The following CLVS2 variants were observed in gnomAD, a reference collection of about 807,000 sequenced individuals.
CLVS2 encodes the protein clavesin 2.
CLVS2 carries 19 observed loss-of-function variants against 29.0 expected under a neutral mutation model. The ratio of observed to expected loss-of-function variants is 0.66; its 90% CI spans 0.46 to 0.96. The LOEUF is 0.96. Among genes scored for constraint, CLVS2 ranks in the 40% least tolerant of loss-of-function variants. CLVS2 has a pLI of 0.00. For synonymous variants in CLVS2, 161 were observed against 151.3 expected (o/e 1.06, Z -0.47); for missense variants, 294 against 404.1 (o/e 0.73, Z 2.34).
chr6:123,068,175 C>G lies in CLVS2; in HGVS notation c.*4414C>G, dbSNP rs1482499726. ...TAACAACTTTGTGGATTGAAACACT[C>G]AAATTAGCCTTTTTTTCAAGGAAGC... On this transcript the variant is annotated 3_prime_UTR_variant, in exon 6 of 6. Transcript: ENST00000275162. The G allele has an allele frequency of 2.0e-5, 3 of 151,148 alleles. No individual in the cohort carries two copies. The East Asian group carries it at 5.8e-4, about 29-fold the overall frequency. The allele number at this position is 151,148 out of a possible 1,614,324, so 9.4% of individuals were successfully genotyped here. A position where few individuals can be genotyped will look rare whatever the true frequency, so the allele number is the denominator to read the frequency against.
At chr6:123,017,279 C>T (rs1399434129) in intron 3 of CLVS2, among the ~76,000 whole-genome samples, 2 of 152,052 alleles carry the variant, frequency 1.3e-5, no homozygotes, top group Non-Finnish European at 2.9e-5. Flanking sequence ...TAGACAATAG[C>T]AGAAACCTCT....
In CLVS2 at chr6:123,068,646, A is replaced by G. The variant is rs1250221112; in HGVS notation, c.*4885A>G. ...TTTTCAAAGCTATCCAGGAAAAATA[A>G]AAGATGTCTAACAGGAAATCATACA... On this transcript the variant is annotated 3_prime_UTR_variant, in exon 6 of 6. Coordinates refer to ENST00000275162, the MANE Select transcript of CLVS2 (RefSeq NM_001010852.4). 1 of 151,798 alleles carries G rather than the reference A, an allele frequency of 6.6e-6. No homozygotes were observed. The highest frequency in any genetic ancestry group is 1.5e-5 in the Non-Finnish European group (1 of 67,748). 9.4% of individuals were successfully genotyped at this position (151,798 alleles called of 1,614,324 possible).
rs1772902262 is a variant in CLVS2, at chr6:123,069,051, G to T, written c.*5290G>T. On this transcript the variant is annotated 3_prime_UTR_variant, in exon 6 of 6. Coordinates refer to ENST00000275162, the MANE Select transcript of CLVS2 (RefSeq NM_001010852.4). The stretch of plus-strand genomic sequence containing the variant: ...ATTTAAGTTAAGATTCCTCAAGTTT[G>T]TGATATTTGTATGTGTGGGGATCAA... 1 of 151,630 alleles carries T rather than the reference G, an allele frequency of 6.6e-6. No homozygotes were observed. Among genetic ancestry groups the T allele is most frequent in the African/African-American group, 2.4e-5 (1 of 41,358 alleles). The allele number at this position is 151,630 out of a possible 1,614,324, so 9.4% of individuals were successfully genotyped here.
At position 123,014,729 on chromosome 6, in the gene CLVS2, A is replaced by G. The variant is rs376065895; in HGVS notation, c.564+3570A>G. 5.3e-5 allele frequency among the ~76,000 whole-genome samples: 8 copies of G among 152,234 alleles called. 1 individual carries two copies. The highest frequency in any genetic ancestry group is 1.9e-4 in the African/African-American group (8 of 41,562). On this transcript the variant is annotated intron_variant, in intron 3 of 5. Transcript: ENST00000275162. ...GCCTTTCTCACAAGTCAGTGACTAC[A>G]TAAACTGTGATGAATTAAAGTTGAA...
At chr6:123,043,783 CAA>C (rs1224188885) in intron 3 of CLVS2, among the ~76,000 whole-genome samples, 2 of 152,048 alleles carry the variant, frequency 1.3e-5, no homozygotes, top group Non-Finnish European at 2.9e-5. Context: ...ATAAATCAGA[CAA>C]TATTACTTGT....
At chr6:123,051,677 A>G (rs1772614161) in intron 4 of CLVS2, among the ~76,000 whole-genome samples, 1 of 152,152 alleles carries the variant, frequency 6.6e-6, no homozygotes, top group Non-Finnish European at 1.5e-5. Context: ...AAAGACTTTC[A>G]TCTGTTCTTT....
rs1772908322 is a variant in CLVS2, at chr6:123,069,406, T to C, written c.*5645T>C. On this transcript the variant is annotated 3_prime_UTR_variant, in exon 6 of 6. Transcript: ENST00000275162. ...AGAAAGAATGCTTACTCAATAAATATGTATTTGTGTCTTCTGTGAGTTTCC... is the reference window on the plus strand; with the variant it reads ...AGAAAGAATGCTTACTCAATAAATACGTATTTGTGTCTTCTGTGAGTTTCC... The C allele has an allele frequency of 6.6e-6, 1 of 151,870 alleles. No homozygotes were observed. Among genetic ancestry groups the C allele is most frequent in the South Asian group, 2.1e-4 (1 of 4,828 alleles). 9.4% of individuals were successfully genotyped at this position (151,870 alleles called of 1,614,324 possible).
chr6:123,030,136 C>G (rs1775062103), intron 3 of CLVS2, among the ~76,000 whole-genome samples: 1 of 152,176 alleles, frequency 6.6e-6, no homozygotes, highest in South Asian at 2.1e-4. Flanking sequence ...ATTCCATTGT[C>G]TCCTTTCATA....
intron 3 of CLVS2, among the ~76,000 whole-genome samples, chr6:123,030,264 T>A (rs1315086898): frequency 6.6e-6 from 1 of 152,204 alleles, no homozygotes. Flanking sequence ...TCATCTCTGT[T>A]CCTGTGGAGC....
rs1028691728 is a variant in CLVS2 at position 123,013,206 on chromosome 6, A to G, written c.564+2047A>G. Among the ~76,000 whole-genome samples the G allele has an allele frequency of 4.2e-4, 64 of 152,080 alleles. 2 individuals are homozygous for G. Among genetic ancestry groups the G allele is most frequent in the Non-Finnish European group, 7.4e-5 (5 of 68,000 alleles). ...TGCTATGTGACAAATATTGTGTACC[A>G]CTATATGTTTCATTCAGAATATGAA... On this transcript the variant is annotated intron_variant, in intron 3 of 5. Coordinates refer to ENST00000275162, the MANE Select transcript of CLVS2 (RefSeq NM_001010852.4).
chr6:123,007,772 C>A (rs571378688), intron 2 of CLVS2, among the ~76,000 whole-genome samples: 1 of 152,122 alleles, frequency 6.6e-6, no homozygotes, highest in Non-Finnish European at 1.5e-5. Context: ...TTTTGAGAAG[C>A]ACAATCAGGA....
chr6:123,031,281 A>G (rs1775080416), intron 3 of CLVS2, among the ~76,000 whole-genome samples: 1 of 152,022 alleles, frequency 6.6e-6, no homozygotes, highest in African/African-American at 2.4e-5. Flanking sequence ...TAGAATCTCA[A>G]TCCTATCTAA....
Position 122,997,387 on chromosome 6 carries a change from A to G in CLVS2, c.-391A>G. 1 of 204,770 alleles carries G rather than the reference A, an allele frequency of 4.9e-6. No individual in the cohort carries two copies. Among genetic ancestry groups the G allele is most frequent in the Non-Finnish European group, 1.1e-5 (1 of 90,950 alleles). 12.7% of individuals were successfully genotyped at this position (204,770 alleles called of 1,614,324 possible). On this transcript the variant is annotated 5_prime_UTR_variant, in exon 2 of 6. Transcript: ENST00000275162. ...TTGTTTTTGTTACATCTTGGAAGAG[A>G]AGAGAAGAGGACAGTACCAAGATCA... is the stretch of plus-strand genomic sequence containing the variant.
In CLVS2 at chr6:123,069,894, C is replaced by A. The variant is rs1772915994; in HGVS notation, c.*6133C>A. 1 of 151,826 alleles carries A rather than the reference C, an allele frequency of 6.6e-6. No homozygotes were observed. The highest frequency in any genetic ancestry group is 2.4e-5 in the African/African-American group (1 of 41,372). 9.4% of individuals were successfully genotyped at this position (151,826 alleles called of 1,614,324 possible). A position where few individuals can be genotyped will look rare whatever the true frequency, so the allele number is the denominator to read the frequency against. ...ATAAAAATAAATATGCTGTTTTCCT[C>A]CCTTTTTTCTAATTGGCATCATAAA... On this transcript the variant is annotated 3_prime_UTR_variant, in exon 6 of 6. Transcript: ENST00000275162.
chr6:123,033,602 T>G (rs1348473982), intron 3 of CLVS2, among the ~76,000 whole-genome samples: 1 of 152,026 alleles, frequency 6.6e-6, no homozygotes, highest in Admixed American at 6.6e-5. Context: ...AACAGCAAAC[T>G]GTAGAACTTT....
intron 2 of CLVS2, among the ~76,000 whole-genome samples, chr6:123,000,855 G>A (rs1273726898): frequency 6.6e-6 from 1 of 152,232 alleles, no homozygotes; most frequent in African/African-American, 2.4e-5. Flanking sequence ...GAAACAGTGT[G>A]TGAGAAGTGT....
chr6:123,012,305 G>C (rs921573278), intron 3 of CLVS2, among the ~76,000 whole-genome samples: 1 of 151,832 alleles, frequency 6.6e-6, no homozygotes, highest in East Asian at 1.9e-4. Context: ...CCTTTTTCCA[G>C]CAATGTATAT....
chr6:123,040,405 G>A (rs1279206866), intron 3 of CLVS2, among the ~76,000 whole-genome samples: 3 of 151,970 alleles, frequency 2.0e-5, no homozygotes, highest in South Asian at 2.1e-4. Flanking sequence ...AGTCAAGAAT[G>A]TTATAGATTA....
chr6:123,060,620 A>G (rs951390148), intron 5 of CLVS2, among the ~76,000 whole-genome samples: 2 of 152,350 alleles, frequency 1.3e-5, no homozygotes, highest in East Asian at 3.9e-4. Context: ...GCATAACTAC[A>G]AAGTAGCAAT....
Sources: allele counts gnomAD v4.1 joint callset (sites outside exome capture counted in the v4.1 genomes callset), GRCh38; gene constraint gnomAD v4.1.1; transcripts MANE v1.5; gene names NCBI Gene and HGNC (gene_info 2026-07-23, HGNC 2026-07-21).